TOM1L2: variants seen among roughly 807,000 people sequenced by gnomAD.
TOM1L2 encodes TOM1-like protein 2.
In TOM1L2, 31 loss-of-function variants were observed where a neutral mutation model predicts 67.9. That is an observed-to-expected ratio of 0.46 (90% CI 0.34 to 0.62). The LOEUF is 0.62. Among genes scored for constraint, TOM1L2 ranks in the 20% least tolerant of loss-of-function variants. The pLI is 0.01. For missense variants in TOM1L2, 606 were observed against 663.5 expected, an observed-to-expected ratio of 0.91 and a Z score of 0.95; for synonymous variants, 256 against 254.0, an observed-to-expected ratio of 1.01 and a Z score of -0.07.
chr17:17,852,354 C>T (rs201174884), intron 12 of TOM1L2, among the ~76,000 whole-genome samples: 1 of 152,144 alleles, frequency 6.6e-6, no homozygotes, highest in East Asian at 1.9e-4. Context: ...AGGTAGAGTC[C>T]AGCACTCTGA....
In TOM1L2 at chr17:17,896,525, T is replaced by C. The variant is rs566301508; in HGVS notation, c.216+2071A>G. Among the ~76,000 whole-genome samples the C allele has an allele frequency of 3.3e-5, 5 of 152,262 alleles. No homozygotes were observed. In the South Asian group the frequency reaches 6.2e-4, roughly 19 times the overall value. Reference sequence around the variant, plus strand: ...GTCTTGGAAGTGCCCTGGACAGAGATGCATGTGCCACAGAGCAGCCCCAAA... The same window carrying C: ...GTCTTGGAAGTGCCCTGGACAGAGACGCATGTGCCACAGAGCAGCCCCAAA... On this transcript the variant is annotated intron_variant, in intron 3 of 14. Coordinates refer to ENST00000379504, the MANE Select transcript of TOM1L2 (RefSeq NM_001082968.2).
In TOM1L2 at chr17:17,967,638, G is replaced by A. The variant is rs796145399; in HGVS notation, c.52+4624C>T. Reference sequence around the variant, plus strand: ...TTTTCTTTTTTGGAGATGCAGTCTCGCTCTGTCATTCAGGCTGGAGTGCAA... The same window carrying A: ...TTTTCTTTTTTGGAGATGCAGTCTCACTCTGTCATTCAGGCTGGAGTGCAA... On this transcript the variant is annotated intron_variant, in intron 1 of 14. Transcript: ENST00000379504. Among the ~76,000 whole-genome samples, 24 of 152,096 alleles carry A rather than the reference G, an allele frequency of 1.6e-4. 1 individual carries two copies. Among genetic ancestry groups the A allele is most frequent in the South Asian group, 6.2e-4 (3 of 4,824 alleles).
At chr17:17,883,770 T>G (rs950738088) in intron 5 of TOM1L2, among the ~76,000 whole-genome samples, 6 of 152,166 alleles carry the variant, frequency 3.9e-5, no homozygotes, top group African/African-American at 1.4e-4. Flanking sequence ...ATGCTTGCCC[T>G]TTGGGTATCT....
At chr17:17,969,218 G>A (rs113876689) in intron 1 of TOM1L2, among the ~76,000 whole-genome samples, 2,385 of 151,738 alleles carry the variant, frequency 0.016, 70 homozygotes, top group African/African-American at 0.055. Flanking sequence ...CACCACACCC[G>A]GCTCATTTTT....
At chr17:17,885,816 T>C (rs2037965927) in intron 4 of TOM1L2, among the ~76,000 whole-genome samples, 1 of 148,548 alleles carries the variant, frequency 6.7e-6, no homozygotes, top group African/African-American at 2.5e-5. Context: ...TCCCAGCTAC[T>C]CAGGAGGCTG....
At chr17:17,849,617 G>A (rs960793779) in intron 13 of TOM1L2, among the ~76,000 whole-genome samples, 1 of 152,208 alleles carries the variant, frequency 6.6e-6, no homozygotes, top group Non-Finnish European at 1.5e-5. Flanking sequence ...CCTGGGGACT[G>A]GGGAAGAGCA....
chr17:17,863,088 A>G (rs1433557067), intron 10 of TOM1L2, among the ~76,000 whole-genome samples: 2 of 152,194 alleles, frequency 1.3e-5, no homozygotes, highest in African/African-American at 2.4e-5. Context: ...TCATAACAAA[A>G]AAGAGATTGC....
At chr17:17,916,021 C>T (rs7207395) in intron 1 of TOM1L2, among the ~76,000 whole-genome samples, 85,449 of 151,338 alleles carry the variant, frequency 0.56, 26,942 homozygotes, top group East Asian at 0.94. Context: ...GGTTTTGGTA[C>T]CATATCTCAG....
intron 1 of TOM1L2, among the ~76,000 whole-genome samples, chr17:17,912,721 G>A (rs1180734556): frequency 4.7e-5 from 7 of 150,302 alleles, no homozygotes; most frequent in East Asian, 2.0e-4. Context: ...CAGGCAGAGG[G>A]GCTCCTCACA....
chr17:17,953,588 G>A (rs2041300894), intron 1 of TOM1L2, among the ~76,000 whole-genome samples: 1 of 152,192 alleles, frequency 6.6e-6, no homozygotes, highest in African/African-American at 2.4e-5. Context: ...TAACCCAGGA[G>A]GAAACCTGTG....
intron 1 of TOM1L2, among the ~76,000 whole-genome samples, chr17:17,943,225 T>A (rs2040808785): frequency 6.6e-6 from 1 of 152,228 alleles, no homozygotes; most frequent in African/African-American, 2.4e-5. Flanking sequence ...AACTGGGGTA[T>A]GTTCTGTCCC....
intron 2 of TOM1L2, among the ~76,000 whole-genome samples, chr17:17,904,070 C>T (rs2038979834): frequency 6.6e-6 from 1 of 152,134 alleles, no homozygotes; most frequent in African/African-American, 2.4e-5. Flanking sequence ...TAGGCTCAAG[C>T]AATCCTCCTG....
chr17:17,868,900 CT>C (rs746712401), intron 8 of TOM1L2: 1 of 166,664 alleles, frequency 6.0e-6, no homozygotes, highest in East Asian at 1.6e-4. Flanking sequence ...AGCTTTTTTT[CT>C]TTTTTCTTTT....
At chr17:17,954,002 C>T (rs1380140278) in intron 1 of TOM1L2, among the ~76,000 whole-genome samples, 1 of 152,188 alleles carries the variant, frequency 6.6e-6, no homozygotes, top group East Asian at 1.9e-4. Context: ...AAAATCCCAC[C>T]GGCTCAACAT....
intron 4 of TOM1L2, among the ~76,000 whole-genome samples, chr17:17,891,805 G>GTT (rs1339144100): frequency 6.6e-6 from 1 of 151,828 alleles, no homozygotes; most frequent in Non-Finnish European, 1.5e-5. Context: ...GTGTGTGTGT[G>GTT]TGTGTGTGTG....
chr17:17,914,812 T>G (rs2039560833), intron 1 of TOM1L2, among the ~76,000 whole-genome samples: 1 of 152,198 alleles, frequency 6.6e-6, no homozygotes, highest in Non-Finnish European at 1.5e-5. Context: ...GGTGGTCAAG[T>G]CTTTGAGTCT....
intron 1 of TOM1L2, among the ~76,000 whole-genome samples, chr17:17,960,339 T>C (rs1365016213): frequency 1.3e-5 from 2 of 151,552 alleles, no homozygotes; most frequent in Admixed American, 6.6e-5. Flanking sequence ...GTACTTGACT[T>C]TTTTTTTTCT....
At chr17:17,967,755 G>A (rs1224091571) in intron 1 of TOM1L2, among the ~76,000 whole-genome samples, 3 of 151,972 alleles carry the variant, frequency 2.0e-5, no homozygotes, top group Admixed American at 6.6e-5. Context: ...TTATACGCGC[G>A]TGCCACCATG....
chr17:17,853,482 G>T lies in TOM1L2; in HGVS notation c.1279-2530C>A, dbSNP rs558065803. Among the ~76,000 whole-genome samples, 398 of 152,218 alleles carry T rather than the reference G, an allele frequency of 2.6e-3. 3 individuals carry two copies. The highest frequency in any genetic ancestry group is 9.2e-3 in the African/African-American group (383 of 41,528). On this transcript the variant is annotated intron_variant, in intron 12 of 14. Transcript: ENST00000379504. The stretch of plus-strand genomic sequence containing the variant: ...GTCATACTTTAATTTTCTTCTTTGG[G>T]GATAAATCTTGAGAGCCAACATGCT...
Sources: gnomAD v4.1 joint callset for allele counts (sites outside exome capture counted in the v4.1 genomes callset) on GRCh38, gnomAD v4.1.1 for gene constraint, MANE v1.5 for transcripts, NCBI Gene and HGNC (gene_info 2026-07-23, HGNC 2026-07-21) for gene names.